Variants in CHN2 observed in about 807,000 individuals in gnomAD.
CHN2 encodes the protein beta-chimaerin.
Under a neutral mutation model 56.3 loss-of-function variants are expected in CHN2, and 35 were observed. The ratio of observed to expected loss-of-function variants is 0.62; its 90% CI spans 0.47 to 0.82. The LOEUF (loss-of-function observed/expected upper bound fraction) is 0.82, where lower values mean the gene tolerates loss of function less well. CHN2 is among the 40% of genes least tolerant of loss of function. The probability of loss-of-function intolerance (pLI) is 0.00; values close to 1 mark genes in which losing one functional copy is unlikely to be tolerated. For synonymous variants in CHN2, 210 were observed against 212.8 expected, an observed-to-expected ratio of 0.99 and a Z score of 0.12; for missense variants, 491 against 580.5, an observed-to-expected ratio of 0.85 and a Z score of 1.58.
chr7:29,443,068 G>A (rs1461189253), intron 6 of CHN2, among the ~76,000 whole-genome samples: 1 of 150,052 alleles, frequency 6.7e-6, no homozygotes, highest in East Asian at 2.0e-4. Flanking sequence ...AGCCTCCCGA[G>A]TAGCTGGGAC....
At chr7:29,484,818 G>T (rs945179354) in intron 7 of CHN2, among the ~76,000 whole-genome samples, 1 of 152,152 alleles carries the variant, frequency 6.6e-6, no homozygotes, top group African/African-American at 2.4e-5. Flanking sequence ...CCTAAAGGAT[G>T]CATTGTCAGT....
chr7:29,156,059 C>G (rs555412116), intron 2 of CHN2, among the ~76,000 whole-genome samples: 1 of 152,304 alleles, frequency 6.6e-6, no homozygotes, highest in South Asian at 2.1e-4. Flanking sequence ...GAGGGATAAA[C>G]CGGCGAAGCA....
chr7:29,483,992 T>A, intron 7 of CHN2: 2 of 692,274 alleles, frequency 2.9e-6, no homozygotes, highest in East Asian at 6.5e-5. Flanking sequence ...ATTCATTTGA[T>A]GTTAGCATCT....
intron 3 of CHN2, among the ~76,000 whole-genome samples, chr7:29,374,675 T>C (rs1464299433): frequency 6.6e-6 from 1 of 152,064 alleles, no homozygotes; most frequent in Admixed American, 6.6e-5. Context: ...ACAGTACATA[T>C]GCCAAGACAT....
rs1355722820 is a variant in CHN2 at position 29,200,481 on chromosome 7, C to G, written c.49+5491C>G. On this transcript the variant is annotated intron_variant, in intron 1 of 12. Transcript: ENST00000222792. ...CCCTTCCCCCCTCCCCCCTTCCCCC[C>G]CCCTTTTGTCTCTTTTTCTTCTCTC... is the stretch of plus-strand genomic sequence containing the variant. Among the ~76,000 whole-genome samples the G allele has an allele frequency of 9.9e-5, 14 of 141,930 alleles. No homozygotes were observed. In the Admixed American group the frequency reaches 9.9e-4, roughly 10 times the overall value. 93.1% of individuals were successfully genotyped at this position (141,930 alleles called of 152,430 possible).
At chr7:29,366,712 T>C (rs1799191412) in intron 2 of CHN2, among the ~76,000 whole-genome samples, 1 of 152,194 alleles carries the variant, frequency 6.6e-6, no homozygotes. Flanking sequence ...CACATTAGTG[T>C]GGGTGACCTA....
rs1788355288 is a variant in CHN2, at chr7:29,249,835, T to TTTTCCTA, written c.49+54849_49+54850insCTATTTC. Among the ~76,000 whole-genome samples, 3 of 152,352 alleles carry TTTTCCTA rather than the reference T, an allele frequency of 2.0e-5. No individual in the cohort carries two copies. In the South Asian group the frequency reaches 6.2e-4, roughly 32 times the overall value. On this transcript the variant is annotated intron_variant, in intron 1 of 12. Coordinates refer to ENST00000222792, the MANE Select transcript of CHN2 (RefSeq NM_004067.4). ...TCTATAAGGAAAAAATAGGAAAGAC[T>TTTTCCTA]TTTCAGGAATGGTAGCGACATGAAT...
Position 29,232,046 on chromosome 7 carries a change from G to T in CHN2, c.49+37056G>T, listed in dbSNP as rs112740555. Among the ~76,000 whole-genome samples, 1,192 of 152,208 alleles carry T rather than the reference G, an allele frequency of 7.8e-3. 14 individuals are homozygous for T. Among genetic ancestry groups the T allele is most frequent in the African/African-American group, 0.027 (1,121 of 41,510 alleles). Reference sequence around the variant, plus strand: ...TTGTTTCTGAATCATAGAATTCCTGGTGATTGTGTTAGGAGCAGAAAGGGC... The same window carrying T: ...TTGTTTCTGAATCATAGAATTCCTGTTGATTGTGTTAGGAGCAGAAAGGGC... On this transcript the variant is annotated intron_variant, in intron 1 of 12. Coordinates refer to ENST00000222792, the MANE Select transcript of CHN2 (RefSeq NM_004067.4).
At chr7:29,339,010 G>T (rs1490562132) in intron 1 of CHN2, among the ~76,000 whole-genome samples, 2 of 152,124 alleles carry the variant, frequency 1.3e-5, no homozygotes, top group Non-Finnish European at 2.9e-5. Context: ...TGTTATCTTA[G>T]ATTTTATTTT....
intron 1 of CHN2, chr7:29,292,743 G>T: frequency 2.8e-6 from 1 of 354,260 alleles, no homozygotes; most frequent in South Asian, 2.2e-5. Context: ...TGGTTTGGGG[G>T]GAAAAGTAAA....
chr7:29,479,027 C>T (rs764790394), intron 6 of CHN2, among the ~76,000 whole-genome samples: 1 of 152,108 alleles, frequency 6.6e-6, no homozygotes, highest in Non-Finnish European at 1.5e-5. Context: ...CATAAAGGCC[C>T]AGTTATCTAG....
At chr7:29,415,361 T>A (rs1398677382) in intron 6 of CHN2, among the ~76,000 whole-genome samples, 1 of 152,206 alleles carries the variant, frequency 6.6e-6, no homozygotes, top group Non-Finnish European at 1.5e-5. Context: ...AACCAAGAGC[T>A]TCATTCTGGA....
At chr7:29,186,276 C>T (rs1469628149) in intron 2 of CHN2, among the ~76,000 whole-genome samples, 6 of 152,178 alleles carry the variant, frequency 3.9e-5, no homozygotes, top group African/African-American at 1.4e-4. Flanking sequence ...ACAGTATCAT[C>T]ATAGGTTCAA....
At chr7:29,445,919 C>T (rs752489029) in intron 6 of CHN2, among the ~76,000 whole-genome samples, 3 of 152,026 alleles carry the variant, frequency 2.0e-5, no homozygotes, top group Non-Finnish European at 4.4e-5. Flanking sequence ...CAAGGGCCCC[C>T]GAGATTCTTG....
rs559181017 is a variant in CHN2, at chr7:29,509,610, C to T, written c.1235+204C>T. 82 of 421,516 alleles carry T rather than the reference C, an allele frequency of 1.9e-4. 2 individuals are homozygous for T. Among genetic ancestry groups the T allele is most frequent in the South Asian group, 1.8e-3 (78 of 43,176 alleles). 26.1% of individuals were successfully genotyped at this position (421,516 alleles called of 1,614,324 possible). On this transcript the variant is annotated intron_variant, in intron 12 of 12. Coordinates refer to ENST00000222792, the MANE Select transcript of CHN2 (RefSeq NM_004067.4). ...CTGTAATCCCAGCACTTTGGGAGGCCGAGGTGGGCGGATCATGAGGTCAGG... is the reference window on the plus strand; with the variant it reads ...CTGTAATCCCAGCACTTTGGGAGGCTGAGGTGGGCGGATCATGAGGTCAGG...
At chr7:29,284,316 A>G (rs1178027849) in intron 1 of CHN2, among the ~76,000 whole-genome samples, 1 of 151,924 alleles carries the variant, frequency 6.6e-6, no homozygotes, top group Non-Finnish European at 1.5e-5. Flanking sequence ...GCTGGTCTCA[A>G]ACTCCTAACC....
At chr7:29,306,783 T>A (rs1451219298) in intron 1 of CHN2, among the ~76,000 whole-genome samples, 1 of 152,234 alleles carries the variant, frequency 6.6e-6, no homozygotes, top group Non-Finnish European at 1.5e-5. Context: ...TTTGTTAGCA[T>A]CCTTGAGGGC....
chr7:29,351,532 G>A (rs73684866), intron 1 of CHN2, among the ~76,000 whole-genome samples: 15,433 of 152,178 alleles, frequency 0.1, 1,546 homozygotes, highest in African/African-American at 0.26. Context: ...GACTGGCATA[G>A]GGGGAAGGCC....
At chr7:29,437,135 T>A (rs1260624862) in intron 6 of CHN2, among the ~76,000 whole-genome samples, 1 of 152,146 alleles carries the variant, frequency 6.6e-6, no homozygotes, top group East Asian at 1.9e-4. Flanking sequence ...AAATTTTAAA[T>A]TTTTCAGTAT....
Sources: gnomAD v4.1 joint callset for allele counts (sites outside exome capture counted in the v4.1 genomes callset) on GRCh38, gnomAD v4.1.1 for gene constraint, MANE v1.5 for transcripts, NCBI Gene and HGNC (gene_info 2026-07-23, HGNC 2026-07-21) for gene names.